YARS2: variants seen among roughly 807,000 people sequenced by gnomAD.
YARS2 encodes the protein tyrosine--tRNA ligase, mitochondrial.
Under a neutral mutation model 45.0 loss-of-function variants are expected in YARS2, and 38 were observed. The ratio of observed to expected loss-of-function variants is 0.84; its 90% confidence interval spans 0.65 to 1.11. The LOEUF is 1.11. YARS2 is among the 50% of genes least tolerant of loss of function. YARS2 has a pLI of 0.00. For missense variants in YARS2, 602 were observed against 599.8 expected (o/e 1.00, Z -0.04); for synonymous variants, 287 against 245.1 (o/e 1.17, Z -1.60).
intron 4 of YARS2, among the ~76,000 whole-genome samples, chr12:32,749,131 G>C (rs1348035092): frequency 6.6e-6 from 1 of 152,168 alleles, no homozygotes; most frequent in Non-Finnish European, 1.5e-5. Context: ...TAGTGCAAAA[G>C]TACTTGCGGT....
In YARS2 at chr12:32,755,262, G is replaced by C; in HGVS notation, c.613C>G (p.Gln205Glu). 1 of 1,614,126 alleles carries C rather than the reference G, an allele frequency of 6.2e-7. No individual in the cohort carries two copies. The highest frequency in any genetic ancestry group is 8.5e-7 in the Non-Finnish European group (1 of 1,180,042). ...CCCTCGGGGCTCTTGAGCCGCAGCT[G>C]CACGCTCTGCCGGCTCAGCAGCGTC... is the stretch of plus-strand genomic sequence containing the variant. The part of the protein sequence containing the change: ...MGTLLSRQSV[Q>E]LRLKSPEGMS... Residue 205 changes from glutamine to glutamate, a missense_variant, in exon 1 of 5, where the codon CAG becomes GAG. Coordinates refer to ENST00000324868, the MANE Select transcript of YARS2 (RefSeq NM_001040436.3).
intron 2 of YARS2, among the ~76,000 whole-genome samples, chr12:32,751,638 C>T (rs1023770654): frequency 2.6e-5 from 4 of 152,140 alleles, no homozygotes; most frequent in African/African-American, 9.7e-5. Flanking sequence ...TTTGGCACCA[C>T]GAGGCGGCGG....
At chr12:32,754,114 G>A (rs760125290) in intron 1 of YARS2, 29 bp from the exon 2 acceptor site, 8 of 1,613,764 alleles carry the variant, frequency 5.0e-6, no homozygotes, top group South Asian at 1.1e-5. Flanking sequence ...TTCATTATGT[G>A]CCTCAAGCAC....
intron 3 of YARS2, 69 bp downstream of exon 3, chr12:32,750,650 A>C: frequency 6.3e-7 from 1 of 1,592,164 alleles, no homozygotes; most frequent in Non-Finnish European, 8.6e-7. Context: ...CCTAAAACAT[A>C]CTCCTACTTT....
Position 32,755,116 on chromosome 12 carries a change from G to C in YARS2, c.759C>G (p.Ser253=). The C allele has an allele frequency of 6.2e-7, 1 of 1,614,136 alleles. No individual in the cohort carries two copies. Among genetic ancestry groups the C allele is most frequent in the Non-Finnish European group, 8.5e-7 (1 of 1,180,046 alleles). The change falls in exon 1 of 5, where the codon TCC becomes TCG. Residue 253 remains serine (S), a synonymous_variant. Transcript: ENST00000324868. ...CTTACTTGTTGATGAACTCATATCC[G>C]GACATGATGTTGCCTAGTTGATCAG... ...GGSDQLGNIM[S]GYEFINKLTG...
At position 32,750,167 on chromosome 12, in the gene YARS2, T is replaced by C. The variant is rs542148044; in HGVS notation, c.1104-60A>G. The C allele has an allele frequency of 1.0e-5, 16 of 1,596,710 alleles. No homozygotes were observed. In the African/African-American group the frequency reaches 2.0e-4, roughly 20 times the overall value. ...ATGTTTATTCAAATACATGTTCTAA[T>C]ACCCATTAACCAATTATAGAGTGTC... On this transcript the variant is annotated intron_variant, in intron 3 of 4. Transcript: ENST00000324868.
Position 32,747,297 on chromosome 12 carries a change from A to G in YARS2, c.1341T>C (p.Val447=), listed in dbSNP as rs1200222806. 1 of 1,613,954 alleles carries G rather than the reference A, an allele frequency of 6.2e-7. No individual in the cohort carries two copies. The highest frequency in any genetic ancestry group is 2.2e-5 in the East Asian group (1 of 44,884). The change falls in exon 5 of 5, where the codon GTT becomes GTC. Residue 447 remains valine, a synonymous_variant. Transcript: ENST00000324868. ...NHQQVTNPES[V]LIVGQHILKN... The stretch of plus-strand genomic sequence containing the variant: ...TGAGAATATGTTGTCCAACAATTAA[A>G]ACACTCTCAGGATTTGTTACTTGTT...
intron 4 of YARS2, among the ~76,000 whole-genome samples, chr12:32,749,164 C>G (rs1350651726): frequency 1.3e-5 from 2 of 152,136 alleles, no homozygotes; most frequent in African/African-American, 4.8e-5. Context: ...ATGCTCATTT[C>G]ATTTTCAGAA....
intron 2 of YARS2, among the ~76,000 whole-genome samples, chr12:32,751,746 C>T (rs1380996367): frequency 6.6e-6 from 1 of 152,168 alleles, no homozygotes; most frequent in African/African-American, 2.4e-5. Context: ...CTCTTGCATG[C>T]GCAGTTCACA....
At chr12:32,752,740 CAAAAA>C (rs56907654) in intron 2 of YARS2, 2,374 of 195,040 alleles carry the variant, frequency 0.012, no homozygotes, top group Non-Finnish European at 0.013. Context: ...GACACTGCCT[CAAAAA>C]AAAAAAAAAA....
chr12:32,750,262 C>T (rs1395564417), intron 3 of YARS2, among the ~76,000 whole-genome samples, 155 bp from the exon 4 acceptor site: 1 of 152,104 alleles, frequency 6.6e-6, no homozygotes, highest in Non-Finnish European at 1.5e-5. Flanking sequence ...ATTGCAATGG[C>T]ATGATCTCGG....
Position 32,746,851 on chromosome 12 carries a change from CACT to C in YARS2, c.*350_*352del. The C allele has an allele frequency of 4.1e-6, 1 of 245,822 alleles. No individual in the cohort carries two copies. The highest frequency in any genetic ancestry group is 4.9e-5 in the South Asian group (1 of 20,438). 15.2% of individuals were successfully genotyped at this position (245,822 alleles called of 1,614,324 possible). On this transcript the variant is annotated 3_prime_UTR_variant, in exon 5 of 5. Coordinates refer to ENST00000324868, the MANE Select transcript of YARS2 (RefSeq NM_001040436.3). ...CCATGCCCAGCCTCACAATTCCTTACACTACCTCTTTTTCATTGTTCCTCATCA... is the reference window on the plus strand; with the variant it reads ...CCATGCCCAGCCTCACAATTCCTTACACCTCTTTTTCATTGTTCCTCATCA...
Position 32,747,124 on chromosome 12 carries a change from T to A in YARS2, c.*80A>T. ...TTTCTGATTTGCATAAGCAAAGGTC[T>A]AAGTTCTGGAGCCAACCCTTCAGAG... On this transcript the variant is annotated 3_prime_UTR_variant, in exon 5 of 5. Transcript: ENST00000324868. 6.7e-7 allele frequency: 1 copy of A among 1,490,602 alleles called. No individual in the cohort carries two copies. Among genetic ancestry groups the A allele is most frequent in the Non-Finnish European group, 9.3e-7 (1 of 1,079,366 alleles). The allele number at this position is 1,490,602 out of a possible 1,614,324, so 92.3% of individuals were successfully genotyped here. A position where few individuals can be genotyped will look rare whatever the true frequency, so the allele number is the denominator to read the frequency against.
At chr12:32,753,713 C>T (rs1386527164) in intron 2 of YARS2, among the ~76,000 whole-genome samples, 1 of 152,158 alleles carries the variant, frequency 6.6e-6, no homozygotes, top group Non-Finnish European at 1.5e-5. Flanking sequence ...CATTTTCTAG[C>T]CACCCACTGT....
rs373527976 is a variant in YARS2, at chr12:32,755,460, C to T, written c.415G>A (p.Ala139Thr). 2 of 1,612,458 alleles carry T rather than the reference C, an allele frequency of 1.2e-6. No individual in the cohort carries two copies. The highest frequency in any genetic ancestry group is 2.7e-5 in the African/African-American group (2 of 75,036). ...REALETERVR[A>T]NARALRLGLE... ...CCTAGGCGCAGAGCTCGCGCGTTGGCTCGCACGCGCTCTGTCTCCAGCGCC... is the reference window on the plus strand; with the variant it reads ...CCTAGGCGCAGAGCTCGCGCGTTGGTTCGCACGCGCTCTGTCTCCAGCGCC... The change falls in exon 1 of 5, where the codon GCC (alanine) becomes ACC (threonine). Residue 139 changes from alanine (A) to threonine (T), a missense_variant. Ala to Thr is a moderately conservative substitution (Grantham distance 58, BLOSUM62 0). Transcript: ENST00000324868.
chr12:32,750,436 C>T (rs930909357), intron 3 of YARS2, among the ~76,000 whole-genome samples: 2 of 152,124 alleles, frequency 1.3e-5, no homozygotes, highest in Non-Finnish European at 2.9e-5. Context: ...CTCCTGACCT[C>T]GTGATCAGCC....
chr12:32,747,217 C>A lies in YARS2; in HGVS notation c.1421G>T (p.Trp474Leu). ...IGKRNFYIIK[W>L]LQL ...AAGGACTTTTCATCACAACTGAAGC[C>A]ATTTTATAATGTAGAAATTTCTTTT... The change falls in exon 5 of 5, where the codon TGG becomes TTG. Residue 474 changes from tryptophan (W) to leucine (L), a missense_variant. Coordinates refer to ENST00000324868, the MANE Select transcript of YARS2 (RefSeq NM_001040436.3). 1 of 1,612,774 alleles carries A rather than the reference C, an allele frequency of 6.2e-7. No individual in the cohort carries two copies. The highest frequency in any genetic ancestry group is 2.2e-5 in the East Asian group (1 of 44,850).
Position 32,755,306 on chromosome 12 carries a change from C to T in YARS2, c.569G>A (p.Gly190Glu). The T allele has an allele frequency of 6.2e-7, 1 of 1,614,116 alleles. No individual in the cohort carries two copies. The highest frequency in any genetic ancestry group is 8.5e-7 in the Non-Finnish European group (1 of 1,180,030). The change falls in exon 1 of 5, where the codon GGG becomes GAG. Residue 190 changes from glycine (G) to glutamate (E), a missense_variant. Gly to Glu is a moderately conservative substitution (Grantham distance 98). Transcript: ENST00000324868. ...QHLVDFLAAV[G>E]GHFRMGTLLS... ...CAGCGTCCCCATGCGGAAGTGACCC[C>T]CCACTGCCGCCAGGAAGTCCACCAG...
intron 2 of YARS2, among the ~76,000 whole-genome samples, chr12:32,753,297 G>C (rs1396288407): frequency 1.8e-4 from 27 of 152,112 alleles, no homozygotes; most frequent in African/African-American, 2.4e-5. Context: ...AAAAAGAACT[G>C]ATATTATTTT....
Sources: allele counts gnomAD v4.1 joint callset (sites outside exome capture counted in the v4.1 genomes callset), GRCh38; gene constraint gnomAD v4.1.1; transcripts MANE v1.5; gene names NCBI Gene and HGNC (gene_info 2026-07-23, HGNC 2026-07-21).